The following MTFR1 variants were observed in gnomAD, a reference collection of about 807,000 sequenced individuals.
MTFR1 encodes mitochondrial fission regulator 1.
MTFR1 carries 28 observed loss-of-function variants against 38.8 expected under a neutral mutation model. That is an observed-to-expected ratio of 0.72 (90% CI 0.53 to 0.99). The LOEUF (loss-of-function observed/expected upper bound fraction) is 0.99, where lower values mean the gene tolerates loss of function less well. Ranked by LOEUF, MTFR1 falls within the 50% of genes least tolerant of loss-of-function variation. The pLI is 0.00. For synonymous variants in MTFR1, 145 were observed against 137.0 expected (o/e 1.06, Z -0.41); for missense variants, 358 against 395.5 (o/e 0.91, Z 0.81).
intron 1 of MTFR1, among the ~76,000 whole-genome samples, chr8:65,650,122 A>G (rs1174523172): frequency 6.6e-6 from 1 of 151,560 alleles, no homozygotes; most frequent in Non-Finnish European, 1.5e-5. Context: ...TACAGCTGTG[A>G]GCCACCATGC....
chr8:65,733,728 A>AT (rs1220655597), intron 3 of MTFR1, among the ~76,000 whole-genome samples: 1 of 152,192 alleles, frequency 6.6e-6, no homozygotes, highest in East Asian at 1.9e-4. Context: ...AATAAAGTTG[A>AT]TTTTTTAAAA....
intron 3 of MTFR1, among the ~76,000 whole-genome samples, chr8:65,689,200 G>T (rs551027651): frequency 4.9e-4 from 75 of 152,284 alleles, no homozygotes; most frequent in African/African-American, 1.6e-3. Context: ...TAAACAAATG[G>T]TAGTAAACTA....
At chr8:65,769,802 A>C (rs928088701) in intron 3 of MTFR1, among the ~76,000 whole-genome samples, 14 of 152,186 alleles carry the variant, frequency 9.2e-5, no homozygotes, top group African/African-American at 3.4e-4. Context: ...AGGTTGAGGC[A>C]GGAGAATTGC....
chr8:65,674,939 C>G (rs1040359857), intron 2 of MTFR1, among the ~76,000 whole-genome samples: 2 of 152,140 alleles, frequency 1.3e-5, no homozygotes, highest in Non-Finnish European at 2.9e-5. Flanking sequence ...AATCCTTTCT[C>G]TTTTCAGTGT....
intron 3 of MTFR1, chr8:65,734,851 G>T: frequency 6.2e-7 from 1 of 1,612,470 alleles, no homozygotes; most frequent in Non-Finnish European, 8.5e-7. Flanking sequence ...CGTGGACTGC[G>T]TTATGGTAAG....
chr8:65,693,693 C>T lies in MTFR1; in HGVS notation c.215C>T (p.Ala72Val). The change falls in exon 4 of 8, where the codon GCA becomes GTA. Residue 72 changes from alanine (A) to valine (V), a missense_variant. Physicochemically the swap from Ala to Val is moderately conservative, Grantham distance 64. Transcript: ENST00000262146. The stretch of plus-strand genomic sequence containing the variant: ...AGTCCCAGCCACCCAGGAGAGGATG[C>T]AGTGGCGTCTTTTGCTGATGTTGGA... Reference protein sequence around the residue: ...EWSPSHPGEDAVASFADVGWV... With the variant: ...EWSPSHPGEDVVASFADVGWV... The T allele has an allele frequency of 6.2e-7, 1 of 1,614,112 alleles. No homozygotes were observed. The highest frequency in any genetic ancestry group is 8.5e-7 in the Non-Finnish European group (1 of 1,180,024).
At position 65,729,758 on chromosome 8, in the gene MTFR1, G is replaced by A. The variant is rs527275632; in HGVS notation, c.*48+10277G>A. Reference sequence around the variant, plus strand: ...TTTTTTTTGGTACTTTTATAGAGATGGGGTTTCACCATGTTGGCCAGGCTG... The same window carrying A: ...TTTTTTTTGGTACTTTTATAGAGATAGGGTTTCACCATGTTGGCCAGGCTG... On this transcript the variant is annotated intron_variant, in intron 3 of 3. Coordinates refer to the MTFR1 transcript ENST00000521247. Among the ~76,000 whole-genome samples the A allele has an allele frequency of 1.3e-4, 20 of 150,698 alleles. No homozygotes were observed. In the South Asian group the frequency reaches 4.2e-3, roughly 32 times the overall value.
intron 1 of MTFR1, among the ~76,000 whole-genome samples, chr8:65,646,630 G>A (rs1156441597): frequency 6.6e-6 from 1 of 152,158 alleles, no homozygotes; most frequent in African/African-American, 2.4e-5. Context: ...ACTTTGCAAA[G>A]GCCGAGGCAA....
At chr8:65,656,144 C>T (rs1233934655) in intron 1 of MTFR1, among the ~76,000 whole-genome samples, 2 of 149,476 alleles carry the variant, frequency 1.3e-5, no homozygotes, top group African/African-American at 5.0e-5. Flanking sequence ...TGCAGTGAGC[C>T]GAGATCACAT....
At chr8:65,726,821 C>A (rs886665408) in intron 3 of MTFR1, 5 of 909,110 alleles carry the variant, frequency 5.5e-6, no homozygotes, top group Non-Finnish European at 7.1e-6. Flanking sequence ...AATTACTTTG[C>A]CAACTTAACT....
intron 1 of MTFR1, among the ~76,000 whole-genome samples, chr8:65,660,946 TA>T (rs1180536976): frequency 2.0e-5 from 3 of 152,212 alleles, no homozygotes; most frequent in African/African-American, 7.2e-5. Context: ...AAATGCATAT[TA>T]CTAGGCAAAG....
At chr8:65,665,508 C>G (rs1804356079) in intron 1 of MTFR1, among the ~76,000 whole-genome samples, 1 of 152,194 alleles carries the variant, frequency 6.6e-6, no homozygotes, top group Admixed American at 6.5e-5. Flanking sequence ...CATCTAGATA[C>G]ACTTCTGTCA....
At chr8:65,770,229 G>T (rs2128920138) in intron 3 of MTFR1, among the ~76,000 whole-genome samples, 1 of 151,748 alleles carries the variant, frequency 6.6e-6, no homozygotes, top group East Asian at 1.9e-4. Flanking sequence ...CTTCACCTCT[G>T]TATTAGTCTG....
intron 3 of MTFR1, among the ~76,000 whole-genome samples, chr8:65,762,651 GC>G (rs1808562897): frequency 1.3e-5 from 2 of 152,134 alleles, no homozygotes. Context: ...CAAAGAAAAA[GC>G]ACTTAAAATT....
At chr8:65,661,384 C>A (rs1227046176) in intron 1 of MTFR1, among the ~76,000 whole-genome samples, 1 of 152,148 alleles carries the variant, frequency 6.6e-6, no homozygotes, top group Non-Finnish European at 1.5e-5. Flanking sequence ...TAGCCTGTAA[C>A]CCCAGCACTT....
chr8:65,734,712 G>GT, intron 3 of MTFR1: 1 of 774,470 alleles, frequency 1.3e-6, no homozygotes, highest in Non-Finnish European at 2.3e-6. Context: ...AGTCAAAGCA[G>GT]TAACTTCAGG....
chr8:65,675,286 C>T (rs1173298250), intron 2 of MTFR1, among the ~76,000 whole-genome samples: 2 of 150,998 alleles, frequency 1.3e-5, no homozygotes, highest in Non-Finnish European at 2.9e-5. Context: ...GAGCAAGACT[C>T]CGTCTCAAAA....
intron 3 of MTFR1, among the ~76,000 whole-genome samples, chr8:65,725,780 GAACTC>G (rs1238758845): frequency 2.0e-5 from 3 of 151,956 alleles, no homozygotes; most frequent in Admixed American, 6.6e-5. Flanking sequence ...TTAAATCTGA[GAACTC>G]AACAGGGTTA....
chr8:65,644,738 T>G lies in MTFR1; in HGVS notation c.-127T>G, dbSNP rs978023540. 6.6e-6 allele frequency: 1 copy of G among 152,440 alleles called. No homozygotes were observed. The highest frequency in any genetic ancestry group is 1.5e-5 in the Non-Finnish European group (1 of 68,202). 9.4% of individuals were successfully genotyped at this position (152,440 alleles called of 1,614,324 possible). A position where few individuals can be genotyped will look rare whatever the true frequency, so the allele number is the denominator to read the frequency against. ...CAGCAACGCCACGGGACAGCCAAGCTAGAAGCCTGAGGAGCCGGAGAGGGT... is the reference window on the plus strand; with the variant it reads ...CAGCAACGCCACGGGACAGCCAAGCGAGAAGCCTGAGGAGCCGGAGAGGGT... On this transcript the variant is annotated 5_prime_UTR_variant, in exon 1 of 8. Transcript: ENST00000262146.
Sources: allele counts gnomAD v4.1 joint callset (sites outside exome capture counted in the v4.1 genomes callset), GRCh38; gene constraint gnomAD v4.1.1; transcripts MANE v1.5; gene names NCBI Gene and HGNC (gene_info 2026-07-23, HGNC 2026-07-21).